DIP2C: variants seen among roughly 807,000 people sequenced by gnomAD.
DIP2C encodes the protein DIP2 acetate--CoA ligase C (putative).
DIP2C carries 33 observed loss-of-function variants against 192.4 expected under a neutral mutation model. The observed-to-expected ratio is 0.17, with a 90% CI of 0.13 to 0.23. DIP2C has a LOEUF of 0.23. Among genes scored for constraint, DIP2C ranks in the 10% least tolerant of loss-of-function variants. The pLI is 1.00. For synonymous variants in DIP2C, 979 were observed against 864.1 expected, an observed-to-expected ratio of 1.13 and a Z score of -2.33; for missense variants, 1,537 against 2,110.1, an observed-to-expected ratio of 0.73 and a Z score of 5.32.
chr10:672,368 G>C (rs1830695163), intron 1 of DIP2C, among the ~76,000 whole-genome samples: 1 of 152,246 alleles, frequency 6.6e-6, no homozygotes, highest in Admixed American at 6.5e-5. Flanking sequence ...CGCCAGTGTG[G>C]AACATCGGAC....
chr10:305,674 T>G (rs1432780989), intron 32 of DIP2C, among the ~76,000 whole-genome samples: 1 of 152,204 alleles, frequency 6.6e-6, no homozygotes, highest in Non-Finnish European at 1.5e-5. Context: ...AGACAAGGTC[T>G]TGCTCCATTG....
At chr10:291,765 T>C (rs970422244) in intron 32 of DIP2C, among the ~76,000 whole-genome samples, 1 of 152,216 alleles carries the variant, frequency 6.6e-6, no homozygotes, top group African/African-American at 2.4e-5. Context: ...TCTGAAGTGC[T>C]TGTGGTGCGT....
At chr10:538,692 C>T (rs1330570310) in intron 1 of DIP2C, among the ~76,000 whole-genome samples, 1 of 152,114 alleles carries the variant, frequency 6.6e-6, no homozygotes, top group Non-Finnish European at 1.5e-5. Context: ...AGTCTAAGAA[C>T]CTCAAATTAC....
chr10:604,194 C>T (rs1564256661), intron 1 of DIP2C, among the ~76,000 whole-genome samples: 1 of 152,158 alleles, frequency 6.6e-6, no homozygotes, highest in Non-Finnish European at 1.5e-5. Flanking sequence ...GCAGTCACAT[C>T]TCCAAAGCCT....
At chr10:548,859 G>C (rs1410017213) in intron 1 of DIP2C, among the ~76,000 whole-genome samples, 1 of 122,728 alleles carries the variant, frequency 8.1e-6, no homozygotes, top group Non-Finnish European at 1.6e-5. Context: ...TACAAATATA[G>C]CACATTTCCC....
At position 639,387 on chromosome 10, in the gene DIP2C, T is replaced by A. The variant is rs12761843; in HGVS notation, c.85+50107A>T. 1.6e-4 allele frequency among the ~76,000 whole-genome samples: 16 copies of A among 97,664 alleles called. 1 individual carries two copies. In the South Asian group the frequency reaches 6.3e-3, roughly 39 times the overall value. 64.1% of individuals were successfully genotyped at this position (97,664 alleles called of 152,430 possible). A position where few individuals can be genotyped will look rare whatever the true frequency, so the allele number is the denominator to read the frequency against. Reference sequence around the variant, plus strand: ...GGCTCACGGTCCACACATGGGGATGTGTCAGGTCGGGAGAGTGCTGTCCGG... The same window carrying A: ...GGCTCACGGTCCACACATGGGGATGAGTCAGGTCGGGAGAGTGCTGTCCGG... On this transcript the variant is annotated intron_variant, in intron 1 of 36. Transcript: ENST00000280886.
At chr10:286,421 C>T (rs1955135039) in intron 33 of DIP2C, 74 bp from the exon 34 acceptor site, 1 of 1,349,516 alleles carries the variant, frequency 7.4e-7, no homozygotes, top group African/African-American at 1.4e-5. Flanking sequence ...CAACCTCAAT[C>T]TCATCTTTAT....
At chr10:331,237 T>C (rs114254013) in intron 29 of DIP2C, among the ~76,000 whole-genome samples, 2,726 of 152,290 alleles carry the variant, frequency 0.018, 80 homozygotes, top group African/African-American at 0.062. Context: ...ATTTTCATAA[T>C]TGTTTATAAG....
chr10:368,739 A>G (rs550084052), intron 18 of DIP2C, among the ~76,000 whole-genome samples: 5 of 152,312 alleles, frequency 3.3e-5, no homozygotes, highest in Admixed American at 3.3e-4. Flanking sequence ...TCGCACAGGC[A>G]TGGCTACCCT....
chr10:596,884 G>C (rs1429472177), intron 1 of DIP2C, among the ~76,000 whole-genome samples: 1 of 152,252 alleles, frequency 6.6e-6, no homozygotes, highest in African/African-American at 2.4e-5. Flanking sequence ...AGCTCACCAA[G>C]GCGATGACTG....
chr10:377,093 G>T (rs1218664318), intron 17 of DIP2C, among the ~76,000 whole-genome samples: 1 of 151,052 alleles, frequency 6.6e-6, no homozygotes. Context: ...GCACAGCACG[G>T]AAAGTGAGCT....
chr10:546,176 G>T (rs1848274454), intron 1 of DIP2C, among the ~76,000 whole-genome samples: 1 of 151,790 alleles, frequency 6.6e-6, no homozygotes, highest in African/African-American at 2.4e-5. Context: ...CAGCTACCTG[G>T]GAGGCTGAGG....
In DIP2C at chr10:573,680, G is replaced by T. The variant is rs554999352; in HGVS notation, c.86-87150C>A. 2.6e-4 allele frequency among the ~76,000 whole-genome samples: 39 copies of T among 151,932 alleles called. 1 individual carries two copies. The Middle Eastern group carries it at 0.014, about 53-fold the overall frequency. On this transcript the variant is annotated intron_variant, in intron 1 of 36. Transcript: ENST00000280886. ...CCGCCTCGGCCTCCCAAAGTGCTGG[G>T]ATTACAGGCATGAGCCATCACGCCG...
At chr10:302,264 G>A (rs192512026) in intron 32 of DIP2C, among the ~76,000 whole-genome samples, 5 of 152,208 alleles carry the variant, frequency 3.3e-5, no homozygotes, top group Admixed American at 2.0e-4. Flanking sequence ...CTCTAGGAGT[G>A]GCACTGCTTT....
intron 1 of DIP2C, among the ~76,000 whole-genome samples, chr10:595,173 C>CTT (rs1851631817): frequency 6.6e-6 from 1 of 152,186 alleles, no homozygotes; most frequent in Non-Finnish European, 1.5e-5. Context: ...TCAAACTGAC[C>CTT]TTTTTCTGAC....
intron 1 of DIP2C, among the ~76,000 whole-genome samples, chr10:573,978 TCCTC>T (rs568751311): frequency 3.6e-4 from 55 of 152,312 alleles, no homozygotes; most frequent in East Asian, 2.3e-3. Context: ...TTCTGAACGG[TCCTC>T]CCTGTCACTT....
At chr10:368,633 G>A in intron 18 of DIP2C, among the ~76,000 whole-genome samples, 1 of 152,238 alleles carries the variant, frequency 6.6e-6, no homozygotes, top group East Asian at 1.9e-4. Flanking sequence ...AGGGGCATGA[G>A]GGGTCTGCCT....
chr10:689,405 G>C lies in DIP2C; in HGVS notation c.85+89C>G, dbSNP rs901306224. 9 of 769,136 alleles carry C rather than the reference G, an allele frequency of 1.2e-5. No homozygotes were observed. Among genetic ancestry groups the C allele is most frequent in the Non-Finnish European group, 1.1e-5 (7 of 631,510 alleles). The allele number at this position is 769,136 out of a possible 1,614,324, so 47.6% of individuals were successfully genotyped here. ...ACCTCCCCCTCCGGGCCCGGCCCCCGCCCCGCCGCAGGCCCCGCGCCCCCA... is the reference window on the plus strand; with the variant it reads ...ACCTCCCCCTCCGGGCCCGGCCCCCCCCCCGCCGCAGGCCCCGCGCCCCCA... On this transcript the variant is annotated intron_variant, in intron 1 of 36. Coordinates refer to ENST00000280886, the MANE Select transcript of DIP2C (RefSeq NM_014974.3). The surrounding 1 kb of genome is among the most constrained non-coding windows in gnomAD (Gnocchi z 6.1).
intron 1 of DIP2C, among the ~76,000 whole-genome samples, chr10:639,190 C>T (rs865863236): frequency 7.1e-4 from 93 of 131,238 alleles, no homozygotes; most frequent in African/African-American, 2.6e-3. Flanking sequence ...CACATGTGGA[C>T]GCGTCAGGCC....
Sources: gnomAD v4.1 joint callset for allele counts (sites outside exome capture counted in the v4.1 genomes callset) on GRCh38, gnomAD v4.1.1 for gene constraint, Gnocchi (gnomAD v3.1) non-coding constraint, MANE v1.5 for transcripts, NCBI Gene and HGNC (gene_info 2026-07-23, HGNC 2026-07-21) for gene names.